ATP1A1: variants seen among roughly 807,000 people sequenced by gnomAD.
The protein encoded by ATP1A1 is sodium/potassium-transporting ATPase subunit alpha-1.
A neutral mutation model predicts 114.8 loss-of-function variants in ATP1A1; 14 were observed. The observed-to-expected ratio is 0.12, with a 90% CI of 0.08 to 0.19. The LOEUF (loss-of-function observed/expected upper bound fraction) is 0.19, where lower values mean the gene tolerates loss of function less well. Ranked by LOEUF, ATP1A1 falls within the 10% of genes least tolerant of loss-of-function variation. The pLI is 1.00. For synonymous variants in ATP1A1, 471 were observed against 466.3 expected (o/e 1.01, Z -0.13); for missense variants, 524 against 1,290.7 (o/e 0.41, Z 9.10).
At chr1:116,391,660 T>C (rs980656568) in intron 10 of ATP1A1, among the ~76,000 whole-genome samples, 2 of 152,218 alleles carry the variant, frequency 1.3e-5, no homozygotes, top group African/African-American at 4.8e-5. Flanking sequence ...GTGATGAGGA[T>C]AGGGTTCATT....
At chr1:116,403,065 C>A (rs1195251403) in intron 21 of ATP1A1, among the ~76,000 whole-genome samples, 1 of 152,218 alleles carries the variant, frequency 6.6e-6, no homozygotes, top group Non-Finnish European at 1.5e-5. Context: ...GCATTTCCAT[C>A]TTCTGGGTCC....
chr1:116,388,589 C>T lies in ATP1A1; in HGVS notation c.502-49C>T. The T allele has an allele frequency of 6.3e-7, 1 of 1,585,504 alleles. No homozygotes were observed. Among genetic ancestry groups the T allele is most frequent in the East Asian group, 2.2e-5 (1 of 44,636 alleles). On this transcript the variant is annotated intron_variant, in intron 5 of 22. Coordinates refer to ENST00000295598, the MANE Select transcript of ATP1A1 (RefSeq NM_000701.8). The surrounding 1 kb of genome is among the most constrained non-coding windows in gnomAD (Gnocchi z 5.6). Reference sequence around the variant, plus strand: ...TTTTATTTTCTTGTTTTGGACACTACCTTCTCTTTGTTGGTATACTAACGG... The same window carrying T: ...TTTTATTTTCTTGTTTTGGACACTATCTTCTCTTTGTTGGTATACTAACGG...
In ATP1A1 at chr1:116,399,188, G is replaced by T; in HGVS notation, c.2448+104G>T. 1 of 1,532,794 alleles carries T rather than the reference G, an allele frequency of 6.5e-7. No homozygotes were observed. Among genetic ancestry groups the T allele is most frequent in the Non-Finnish European group, 8.9e-7 (1 of 1,121,054 alleles). The allele number at this position is 1,532,794 out of a possible 1,614,324, so 94.9% of individuals were successfully genotyped here. On this transcript the variant is annotated intron_variant, in intron 17 of 22. Coordinates refer to ENST00000295598, the MANE Select transcript of ATP1A1 (RefSeq NM_000701.8). This position sits in a 1 kb window ranked among gnomAD's most constrained non-coding sequence, Gnocchi z 5.0. ...ATCCATGAGGCTGGCGTTGGGAAAAGAAATTCTCAGGACCAGTATCCAGTG... is the reference window on the plus strand; with the variant it reads ...ATCCATGAGGCTGGCGTTGGGAAAATAAATTCTCAGGACCAGTATCCAGTG...
rs1652413379 is a variant in ATP1A1 at position 116,390,895 on chromosome 1, T to C, written c.1332+4T>C. 3 of 1,607,728 alleles carry C rather than the reference T, an allele frequency of 1.9e-6. No individual in the cohort carries two copies. Among genetic ancestry groups the C allele is most frequent in the Non-Finnish European group, 8.5e-7 (1 of 1,174,334 alleles). On this transcript the variant is annotated splice_donor_region_variant and intron_variant, in intron 10 of 22. Coordinates refer to ENST00000295598, the MANE Select transcript of ATP1A1 (RefSeq NM_000701.8). ...GGAAAACCTACCTATTCTTAAGGTATGCTCAAGAGTTAACTAATGGAGGGA... is the reference window on the plus strand; with the variant it reads ...GGAAAACCTACCTATTCTTAAGGTACGCTCAAGAGTTAACTAATGGAGGGA...
intron 1 of ATP1A1, chr1:116,383,275 T>G: frequency 1.2e-6 from 1 of 843,510 alleles, no homozygotes; most frequent in Non-Finnish European, 1.5e-6. Context: ...TTATCTCTTA[T>G]GCAAAGAATT....
chr1:116,387,339 G>T lies in ATP1A1; in HGVS notation c.235G>T (p.Ala79Ser). ...AEILARDGPNALTPPPTTPEW... is the reference protein window; with the variant it reads ...AEILARDGPNSLTPPPTTPEW... The stretch of plus-strand genomic sequence containing the variant: ...GATCCTGGCGCGAGATGGTCCCAAC[G>T]CCCTCACTCCCCCTCCCACTACTCC... The change falls in exon 4 of 23, where the codon GCC becomes TCC. Residue 79 changes from alanine to serine, a missense_variant. By Grantham distance (99) the Ala-to-Ser change is moderately conservative. Transcript: ENST00000295598. The surrounding 1 kb of genome is among the most constrained non-coding windows in gnomAD (Gnocchi z 6.7). The T allele has an allele frequency of 6.2e-7, 1 of 1,614,146 alleles. No individual in the cohort carries two copies.
rs1159639011 is a variant in ATP1A1 at position 116,398,072 on chromosome 1, A to G, written c.2124+34A>G. On this transcript the variant is annotated intron_variant, in intron 15 of 22. Coordinates refer to ENST00000295598, the MANE Select transcript of ATP1A1 (RefSeq NM_000701.8). This position sits in a 1 kb window ranked among gnomAD's most constrained non-coding sequence, Gnocchi z 6.1. Reference sequence around the variant, plus strand: ...GCACAAGGATCAGGCTGCTTTGGGCACTATTGGCTTTAGGGATTGGAGTTC... The same window carrying G: ...GCACAAGGATCAGGCTGCTTTGGGCGCTATTGGCTTTAGGGATTGGAGTTC... 3.7e-6 allele frequency: 6 copies of G among 1,609,688 alleles called. No homozygotes were observed. The highest frequency in any genetic ancestry group is 5.1e-6 in the Non-Finnish European group (6 of 1,177,896).
intron 1 of ATP1A1, among the ~76,000 whole-genome samples, chr1:116,375,889 T>A (rs1651336784): frequency 6.6e-6 from 1 of 152,248 alleles, no homozygotes; most frequent in Non-Finnish European, 1.5e-5. Context: ...TAGCTTTTGA[T>A]GATATTTCAG....
Position 116,384,037 on chromosome 1 carries a change from T to C in ATP1A1, c.36T>C (p.Pro12=), listed in dbSNP as rs1405734237. The part of the protein sequence containing the change: ...GKGVGRDKYE[P]AAVSEQGDKK... The stretch of plus-strand genomic sequence containing the variant: ...AGGTTGGACGTGATAAGTATGAGCC[T>C]GCAGCTGTTTCAGAACAAGGTGATA... The change falls in exon 2 of 23, where the codon CCT becomes CCC. Residue 12 remains proline, a synonymous_variant. Coordinates refer to ENST00000295598, the MANE Select transcript of ATP1A1 (RefSeq NM_000701.8). This position sits in a 1 kb window ranked among gnomAD's most constrained non-coding sequence, Gnocchi z 5.1. The C allele has an allele frequency of 6.2e-7, 1 of 1,614,008 alleles. No homozygotes were observed. The highest frequency in any genetic ancestry group is 1.3e-5 in the African/African-American group (1 of 74,944).
intron 18 of ATP1A1, among the ~76,000 whole-genome samples, chr1:116,400,600 A>G (rs983019101): frequency 3.9e-5 from 6 of 152,220 alleles, no homozygotes; most frequent in African/African-American, 1.2e-4. Context: ...TTTTGAGAGC[A>G]AGGCACATGT....
rs908799483 is a variant in ATP1A1, at chr1:116,385,671, C to T, written c.183+829C>T. 1.3e-5 allele frequency: 2 copies of T among 152,196 alleles called. No individual in the cohort carries two copies. Among genetic ancestry groups the T allele is most frequent in the African/African-American group, 4.8e-5 (2 of 41,450 alleles). The allele number at this position is 152,196 out of a possible 1,614,324, so 9.4% of individuals were successfully genotyped here. A position where few individuals can be genotyped will look rare whatever the true frequency, so the allele number is the denominator to read the frequency against. On this transcript the variant is annotated intron_variant, in intron 3 of 22. Transcript: ENST00000295598. The surrounding 1 kb of genome is among the most constrained non-coding windows in gnomAD (Gnocchi z 4.3). ...AGAAACAGGATCTCTCTCCTGCCCT[C>T]CTTTTCACCTGTCGCAAGGCAGGAC...
chr1:116,374,292 C>T (rs1037822663), intron 1 of ATP1A1: 2 of 1,551,344 alleles, frequency 1.3e-6, no homozygotes, highest in African/African-American at 2.7e-5. Flanking sequence ...ACAGGATGCA[C>T]CGATGGCAAC....
At chr1:116,377,792 C>CT (rs1570941137) in intron 1 of ATP1A1, among the ~76,000 whole-genome samples, 1 of 152,310 alleles carries the variant, frequency 6.6e-6, no homozygotes, top group East Asian at 1.9e-4. Flanking sequence ...ATCAGAGTGG[C>CT]TGGGTTTGGA....
intron 21 of ATP1A1, among the ~76,000 whole-genome samples, chr1:116,403,654 A>G (rs1998449): frequency 0.027 from 4,148 of 152,296 alleles, 193 homozygotes; most frequent in African/African-American, 0.092. Flanking sequence ...TTCCATTACA[A>G]AGTCTGCAGA....
chr1:116,379,283 T>C (rs1227953161), intron 1 of ATP1A1, among the ~76,000 whole-genome samples: 1 of 152,226 alleles, frequency 6.6e-6, no homozygotes, highest in Non-Finnish European at 1.5e-5. Flanking sequence ...TCTACTGCTT[T>C]GGCCTTGGTA....
intron 1 of ATP1A1, chr1:116,382,442 TGTG>T (rs1651810191): frequency 6.6e-6 from 1 of 152,226 alleles, no homozygotes; most frequent in African/African-American, 2.4e-5. Flanking sequence ...CACCAACAAA[TGTG>T]GTTGCTCCAT....
At chr1:116,377,654 G>A (rs563165710) in intron 1 of ATP1A1, among the ~76,000 whole-genome samples, 19 of 152,048 alleles carry the variant, frequency 1.2e-4, no homozygotes, top group Non-Finnish European at 2.6e-4. Flanking sequence ...TGGGCTTTTC[G>A]GCCTTCTGTG....
chr1:116,389,051 GT>G lies in ATP1A1; in HGVS notation c.754+33del. ...CATTTTTGGGCACTTTGAGCATGGC[GT>G]GGTATTTCTCTTGGGCATTAACAAA... On this transcript the variant is annotated intron_variant, in intron 7 of 22. Transcript: ENST00000295598. The surrounding 1 kb of genome is among the most constrained non-coding windows in gnomAD (Gnocchi z 6.9). 1 of 1,563,586 alleles carries G rather than the reference GT, an allele frequency of 6.4e-7. No individual in the cohort carries two copies. The highest frequency in any genetic ancestry group is 8.8e-7 in the Non-Finnish European group (1 of 1,135,436).
Position 116,399,358 on chromosome 1 carries a change from G to T in ATP1A1, c.2449-62G>T, listed in dbSNP as rs1411065786. On this transcript the variant is annotated intron_variant, in intron 17 of 22. Coordinates refer to ENST00000295598, the MANE Select transcript of ATP1A1 (RefSeq NM_000701.8). The surrounding 1 kb of genome is among the most constrained non-coding windows in gnomAD (Gnocchi z 5.0). ...GGAGGGCAAGAATTTTATAACAAAA[G>T]GTTCACAATATTAGCTTCCTTATTT... 1 of 1,556,524 alleles carries T rather than the reference G, an allele frequency of 6.4e-7. No homozygotes were observed. The highest frequency in any genetic ancestry group is 2.3e-5 in the East Asian group (1 of 44,282).
Sources: allele counts gnomAD v4.1 joint callset (sites outside exome capture counted in the v4.1 genomes callset), GRCh38; gene constraint gnomAD v4.1.1; non-coding constraint Gnocchi (gnomAD v3.1); transcripts MANE v1.5; gene names NCBI Gene and HGNC (gene_info 2026-07-23, HGNC 2026-07-21).